The following MALSU1 variants were observed in gnomAD, a reference collection of about 807,000 sequenced individuals.
MALSU1 encodes mitochondrial assembly of ribosomal large subunit 1, also known as mitochondrial assembly of ribosomal large subunit protein 1.
A neutral mutation model predicts 22.1 loss-of-function variants in MALSU1; 22 were observed. That is an observed-to-expected ratio of 1.00 (90% CI 0.71 to 1.42). The LOEUF (loss-of-function observed/expected upper bound fraction) is 1.42, where lower values mean the gene tolerates loss of function less well. Among genes scored for constraint, MALSU1 ranks in the 40% most tolerant of loss-of-function variants. MALSU1 has a pLI of 0.00. For synonymous variants in MALSU1, 153 were observed against 118.5 expected, an observed-to-expected ratio of 1.29 and a Z score of -1.89; for missense variants, 379 against 308.3, an observed-to-expected ratio of 1.23 and a Z score of -1.72.
intron 2 of MALSU1, 184 bp downstream of exon 2, chr7:23,301,201 C>G (rs986384815): frequency 4.8e-5 from 27 of 557,726 alleles, no homozygotes; most frequent in Admixed American, 1.3e-4. Flanking sequence ...GAGCAAATAT[C>G]CAGCCCTATT....
At chr7:23,301,346 C>T (rs187607788) in intron 2 of MALSU1, among the ~76,000 whole-genome samples, 5 of 152,146 alleles carry the variant, frequency 3.3e-5, no homozygotes, top group South Asian at 2.1e-4. Flanking sequence ...CCGCAACCTC[C>T]GCCTCCCGGG....
intron 3 of MALSU1, 135 bp from the exon 4 acceptor site, chr7:23,309,221 C>T: frequency 1.3e-6 from 1 of 746,548 alleles, no homozygotes; most frequent in Non-Finnish European, 2.1e-6. Flanking sequence ...GGGATGGAGT[C>T]CACAGTGATG....
chr7:23,301,635 A>T (rs140787381), intron 2 of MALSU1, among the ~76,000 whole-genome samples: 1,726 of 152,328 alleles, frequency 0.011, 81 homozygotes, highest in Admixed American at 0.088. Flanking sequence ...ACTATCCATT[A>T]CGGTAGCCAC....
At chr7:23,302,329 G>T (rs1783659322) in intron 2 of MALSU1, among the ~76,000 whole-genome samples, 1 of 152,174 alleles carries the variant, frequency 6.6e-6, no homozygotes, top group Non-Finnish European at 1.5e-5. Flanking sequence ...CATTCCACGG[G>T]GCCATGATAC....
intron 1 of MALSU1, among the ~76,000 whole-genome samples, chr7:23,300,069 C>T (rs1483469594): frequency 1.3e-5 from 2 of 152,080 alleles, no homozygotes; most frequent in African/African-American, 2.4e-5. Context: ...CAGATCACAT[C>T]TAAGAATGTA....
chr7:23,299,606 C>T lies in MALSU1; in HGVS notation c.254C>T (p.Ala85Val). 6.3e-7 allele frequency: 1 copy of T among 1,575,452 alleles called. No homozygotes were observed. Among genetic ancestry groups the T allele is most frequent in the Non-Finnish European group, 8.6e-7 (1 of 1,160,816 alleles). ...GAGGGACGCCCAGAATCGGACGCGG[C>T]AGGTACGGGCGTGGAGAAGAACGAA... is the stretch of plus-strand genomic sequence containing the variant. ...VNEGRPESDA[A>V]DHTGPKFDID... Residue 85 changes from alanine (A) to valine (V), a missense_variant and splice_region_variant, in exon 1 of 4, where the codon GCA becomes GTA. Transcript: ENST00000466681.
intron 2 of MALSU1, among the ~76,000 whole-genome samples, chr7:23,302,484 G>A (rs1321947463): frequency 1.3e-5 from 2 of 152,158 alleles, no homozygotes; most frequent in Non-Finnish European, 2.9e-5. Context: ...AGCAGAAGAA[G>A]ATGCCAAAAA....
In MALSU1 at chr7:23,307,965, GT is replaced by G; in HGVS notation, c.517+17del. On this transcript the variant is annotated intron_variant, in intron 3 of 3. Transcript: ENST00000466681. ...GTGGATTTTGGTAAGTTATTCTGGCGTATTTTACAGGTAACTGTTGGTACTA... is the reference window on the plus strand; with the variant it reads ...GTGGATTTTGGTAAGTTATTCTGGCGATTTTACAGGTAACTGTTGGTACTA... 6.4e-7 allele frequency: 1 copy of G among 1,567,864 alleles called. No individual in the cohort carries two copies. The highest frequency in any genetic ancestry group is 8.8e-7 in the Non-Finnish European group (1 of 1,138,064).
chr7:23,305,911 T>C (rs1218549329), intron 2 of MALSU1, among the ~76,000 whole-genome samples: 4 of 152,184 alleles, frequency 2.6e-5, no homozygotes, highest in Non-Finnish European at 5.9e-5. Flanking sequence ...ATTATTCTGC[T>C]AGGCTGCTCA....
At chr7:23,302,941 T>C (rs1783668366) in intron 2 of MALSU1, among the ~76,000 whole-genome samples, 1 of 152,162 alleles carries the variant, frequency 6.6e-6, no homozygotes, top group South Asian at 2.1e-4. Context: ...CACGCTTGGC[T>C]GATTTTTCTA....
chr7:23,303,679 G>T (rs1002928522), intron 2 of MALSU1, among the ~76,000 whole-genome samples: 4 of 151,826 alleles, frequency 2.6e-5, no homozygotes, highest in African/African-American at 7.3e-5. Context: ...GCTTGGTGGT[G>T]TGTGCCTGTA....
chr7:23,305,003 A>G (rs1407287561), intron 2 of MALSU1, among the ~76,000 whole-genome samples: 3 of 152,208 alleles, frequency 2.0e-5, no homozygotes, highest in African/African-American at 7.2e-5. Flanking sequence ...ATAATTGCCA[A>G]ACCAGTATCA....
rs770529573 is a variant in MALSU1, at chr7:23,300,848, G to A, written c.266G>A (p.Gly89Asp). ...TATTTGTGCATTTCAGATCATACTGGTCCCAAGTTTGACATCGATATGATG... is the reference window on the plus strand; with the variant it reads ...TATTTGTGCATTTCAGATCATACTGATCCCAAGTTTGACATCGATATGATG... ...RPESDAADHT[G>D]PKFDIDMMVS... The change falls in exon 2 of 4, where the codon GGT (glycine) becomes GAT (aspartate). Residue 89 changes from glycine to aspartate, a missense_variant. Physicochemically the swap from Gly to Asp is moderately conservative, Grantham distance 94. Transcript: ENST00000466681. 6.2e-7 allele frequency: 1 copy of A among 1,613,502 alleles called. No homozygotes were observed. Among genetic ancestry groups the A allele is most frequent in the South Asian group, 1.1e-5 (1 of 91,040 alleles).
rs780906593 is a variant in MALSU1, at chr7:23,300,980, G to T, written c.398G>T (p.Arg133Leu). 1 of 1,613,952 alleles carries T rather than the reference G, an allele frequency of 6.2e-7. No individual in the cohort carries two copies. The highest frequency in any genetic ancestry group is 8.5e-7 in the Non-Finnish European group (1 of 1,179,948). ...GTGATTGTTAGTGGAACTTCTACCCGACACTTACATGCCATGGCCTTCTAC... is the reference window on the plus strand; with the variant it reads ...GTGATTGTTAGTGGAACTTCTACCCTACACTTACATGCCATGGCCTTCTAC... ...YFVIVSGTST[R>L]HLHAMAFYVV... Residue 133 changes from arginine (R) to leucine (L), a missense_variant, in exon 2 of 4, where the codon CGA becomes CTA. Arg to Leu is a moderately radical substitution (Grantham distance 102, BLOSUM62 -2). Coordinates refer to ENST00000466681, the MANE Select transcript of MALSU1 (RefSeq NM_138446.2).
chr7:23,309,516 G>T lies in MALSU1; in HGVS notation c.678G>T (p.Val226=). The T allele has an allele frequency of 1.2e-6, 2 of 1,603,134 alleles. No individual in the cohort carries two copies. Among genetic ancestry groups the T allele is most frequent in the South Asian group, 1.1e-5 (1 of 88,864 alleles). ...ILGIEDDTSS[V]TPVELKCE is the part of the protein sequence containing the mutation. ...GAATAGAAGATGATACTTCATCTGT[G>T]ACTCCAGTGGAGTTAAAATGTGAAT... The change falls in exon 4 of 4, where the codon GTG becomes GTT. Residue 226 remains valine, a synonymous_variant. Transcript: ENST00000466681.
At chr7:23,306,429 C>CTTT (rs575334744) in intron 2 of MALSU1, among the ~76,000 whole-genome samples, 10 of 142,884 alleles carry the variant, frequency 7.0e-5, no homozygotes, top group African/African-American at 1.8e-4. Flanking sequence ...ATTTGGGTAC[C>CTTT]TTTTTTTTTT....
rs528040829 is a variant in MALSU1 at position 23,310,326 on chromosome 7, T to C, written c.*783T>C. ...ATATGGTGAGTACAAAACTCAATTATAGAATTATTTCTTAGCTAGTACCAG... is the reference window on the plus strand; with the variant it reads ...ATATGGTGAGTACAAAACTCAATTACAGAATTATTTCTTAGCTAGTACCAG... On this transcript the variant is annotated 3_prime_UTR_variant, in exon 4 of 4. Transcript: ENST00000466681. 3 of 152,360 alleles carry C rather than the reference T, an allele frequency of 2.0e-5. No homozygotes were observed. The highest frequency in any genetic ancestry group is 6.5e-5 in the Admixed American group (1 of 15,304). 9.4% of individuals were successfully genotyped at this position (152,360 alleles called of 1,614,324 possible).
intron 2 of MALSU1, among the ~76,000 whole-genome samples, chr7:23,302,211 C>G (rs1343071488): frequency 6.6e-6 from 1 of 152,046 alleles, no homozygotes; most frequent in Non-Finnish European, 1.5e-5. Flanking sequence ...TAGTCCTTGC[C>G]CTTACAGGTC....
rs760007804 is a variant in MALSU1 at position 23,311,026 on chromosome 7, A to G, written c.*1483A>G. On this transcript the variant is annotated 3_prime_UTR_variant, in exon 4 of 4. Coordinates refer to ENST00000466681, the MANE Select transcript of MALSU1 (RefSeq NM_138446.2). ...ATTATATCCCAAAAACTTTTCTTGT[A>G]TTCTCTATCTTTTGACTTTTTTTTC... The G allele has an allele frequency of 1.3e-4, 20 of 152,098 alleles. No homozygotes were observed. Among genetic ancestry groups the G allele is most frequent in the Non-Finnish European group, 1.9e-4 (13 of 68,012 alleles). 9.4% of individuals were successfully genotyped at this position (152,098 alleles called of 1,614,324 possible). A position where few individuals can be genotyped will look rare whatever the true frequency, so the allele number is the denominator to read the frequency against.
Sources: gnomAD v4.1 joint callset for allele counts (sites outside exome capture counted in the v4.1 genomes callset) on GRCh38, gnomAD v4.1.1 for gene constraint, MANE v1.5 for transcripts, NCBI Gene and HGNC (gene_info 2026-07-23, HGNC 2026-07-21) for gene names.